Variants in VPS13B observed in about 807,000 individuals in gnomAD.
VPS13B encodes intermembrane lipid transfer protein VPS13B.
In VPS13B, 285 loss-of-function variants were observed where a neutral mutation model predicts 426.4. The observed-to-expected ratio is 0.67, with a 90% CI of 0.61 to 0.74. The LOEUF is 0.74. Among genes scored for constraint, VPS13B ranks in the 30% least tolerant of loss-of-function variants. The probability of loss-of-function intolerance (pLI) is 0.00; values close to 1 mark genes in which losing one functional copy is unlikely to be tolerated. For missense variants in VPS13B, 4,537 were observed against 4,782.6 expected, an observed-to-expected ratio of 0.95 and a Z score of 1.51; for synonymous variants, 1,676 against 1,676.4, an observed-to-expected ratio of 1.00 and a Z score of 0.01.
intron 17 of VPS13B, among the ~76,000 whole-genome samples, chr8:99,220,500 G>T (rs1043888169): frequency 6.6e-6 from 1 of 152,158 alleles, no homozygotes; most frequent in Non-Finnish European, 1.5e-5. Flanking sequence ...ATTTGTCAGA[G>T]TTGTTGTTAA....
intron 4 of VPS13B, among the ~76,000 whole-genome samples, chr8:99,101,447 A>G (rs1294475201): frequency 3.3e-5 from 5 of 152,120 alleles, no homozygotes; most frequent in African/African-American, 1.2e-4. Context: ...TTTGTTTTTA[A>G]AATCTGCATT....
At position 99,107,200 on chromosome 8, in the gene VPS13B, G is replaced by A. The variant is rs1481971885; in HGVS notation, c.581-3898G>A. ...TTAAAATAAGAATTGTAATATCTTTGTGAGGGTAAAAAGGCAAGCCACAGA... is the reference window on the plus strand; with the variant it reads ...TTAAAATAAGAATTGTAATATCTTTATGAGGGTAAAAAGGCAAGCCACAGA... On this transcript the variant is annotated intron_variant, in intron 5 of 61. Coordinates refer to ENST00000357162, the MANE Select transcript of VPS13B (RefSeq NM_152564.5). 2.0e-5 allele frequency among the ~76,000 whole-genome samples: 3 copies of A among 152,120 alleles called. No homozygotes were observed. In the South Asian group the frequency reaches 6.2e-4, roughly 31 times the overall value.
chr8:99,590,476 G>C (rs1320225847), intron 33 of VPS13B, among the ~76,000 whole-genome samples: 3 of 152,140 alleles, frequency 2.0e-5, no homozygotes, highest in Non-Finnish European at 2.9e-5. Context: ...GGCATTTAGT[G>C]CTATAAATTT....
chr8:99,726,730 A>G (rs1465997805), intron 39 of VPS13B, among the ~76,000 whole-genome samples: 2 of 152,252 alleles, frequency 1.3e-5, no homozygotes, highest in Middle Eastern at 3.4e-3. Flanking sequence ...TAATTTTTGT[A>G]TTTTTAGTAG....
chr8:99,453,960 T>G (rs541463058), intron 23 of VPS13B, among the ~76,000 whole-genome samples: 1 of 152,296 alleles, frequency 6.6e-6, no homozygotes, highest in Admixed American at 6.5e-5. Flanking sequence ...GACATGTATC[T>G]GTCATCGTAG....
In VPS13B at chr8:99,854,021, CA is replaced by C. The variant is rs781151765; in HGVS notation, c.10633del (p.Met3545CysfsTer11). 1.2e-6 allele frequency: 2 copies of C among 1,614,188 alleles called. No individual in the cohort carries two copies. Among genetic ancestry groups the C allele is most frequent in the Non-Finnish European group, 1.7e-6 (2 of 1,180,040 alleles). ...HLSGGKQVLP[M>X]QVTQHARALV... ...TCTCCGGGGGTAAACAGGTGTTGCC[CA>C]TGCAGGTCACACAGCACGCCAGGGC... On this transcript the variant is annotated frameshift_variant, in exon 56 of 62. Coordinates refer to ENST00000357162, the MANE Select transcript of VPS13B (RefSeq NM_152564.5). LOFTEE classifies it high-confidence loss of function.
At position 99,481,862 on chromosome 8, in the gene VPS13B, G is replaced by C. The variant is rs1398109695; in HGVS notation, c.3870+60G>C. ...GGTTAATATATAACACAGATTTCCA[G>C]ATCATGGTTTAAAATGAAGATAACC... On this transcript the variant is annotated intron_variant, in intron 25 of 61. Transcript: ENST00000357162. 7.0e-6 allele frequency: 11 copies of C among 1,573,152 alleles called. No individual in the cohort carries two copies. The African/African-American group carries it at 8.1e-5, about 12-fold the overall frequency.
intron 33 of VPS13B, among the ~76,000 whole-genome samples, chr8:99,603,226 G>A (rs1387605208): frequency 2.0e-5 from 3 of 152,176 alleles, no homozygotes; most frequent in Non-Finnish European, 4.4e-5. Context: ...ATAACCGAAA[G>A]TAAGAGGGAA....
chr8:99,352,807 A>G (rs920217805), intron 19 of VPS13B, among the ~76,000 whole-genome samples: 1 of 151,784 alleles, frequency 6.6e-6, no homozygotes, highest in Non-Finnish European at 1.5e-5. Context: ...CTGGGCAACA[A>G]GAGCAGAACT....
chr8:99,261,525 T>C (rs1818036408), intron 17 of VPS13B, among the ~76,000 whole-genome samples: 1 of 152,184 alleles, frequency 6.6e-6, no homozygotes, highest in African/African-American at 2.4e-5. Flanking sequence ...CTGCTATAAA[T>C]ATCTGTTTGC....
chr8:99,338,987 C>T (rs1033774546), intron 19 of VPS13B, among the ~76,000 whole-genome samples: 2 of 152,098 alleles, frequency 1.3e-5, no homozygotes, highest in African/African-American at 4.8e-5. Flanking sequence ...TTAATTTCCT[C>T]ATGATGATCT....
At chr8:99,502,362 T>C (rs1049319379) in intron 26 of VPS13B, among the ~76,000 whole-genome samples, 2 of 152,216 alleles carry the variant, frequency 1.3e-5, no homozygotes, top group Non-Finnish European at 2.9e-5. Flanking sequence ...AATTTATTAT[T>C]GTCATTTATA....
chr8:99,232,048 G>A (rs554189239), intron 17 of VPS13B, among the ~76,000 whole-genome samples: 4 of 152,096 alleles, frequency 2.6e-5, no homozygotes, highest in Non-Finnish European at 4.4e-5. Context: ...TGAGGCTGAC[G>A]TGTGTGTTTT....
chr8:99,409,942 T>C (rs1360728732), intron 21 of VPS13B, among the ~76,000 whole-genome samples: 1 of 152,108 alleles, frequency 6.6e-6, no homozygotes, highest in Non-Finnish European at 1.5e-5. Flanking sequence ...CCAAATACTA[T>C]ATATTCTCAC....
intron 19 of VPS13B, among the ~76,000 whole-genome samples, chr8:99,350,359 A>G (rs1811811482): frequency 1.3e-5 from 2 of 152,370 alleles, no homozygotes; most frequent in East Asian, 3.9e-4. Context: ...TAACAGGATC[A>G]GAATGTGTTT....
At chr8:99,299,551 GTTTT>G (rs372887332) in intron 19 of VPS13B, among the ~76,000 whole-genome samples, 1 of 151,372 alleles carries the variant, frequency 6.6e-6, no homozygotes, top group Non-Finnish European at 1.5e-5. Flanking sequence ...TTATATTTTA[GTTTT>G]TTTATTGTTG....
intron 3 of VPS13B, among the ~76,000 whole-genome samples, chr8:99,064,154 C>G (rs539072499): frequency 6.6e-6 from 1 of 152,248 alleles, no homozygotes; most frequent in East Asian, 1.9e-4. Flanking sequence ...TGGGGAGAAA[C>G]CAGAGCAGAA....
At chr8:99,682,836 T>C (rs775691975) in intron 35 of VPS13B, among the ~76,000 whole-genome samples, 15 of 152,056 alleles carry the variant, frequency 9.9e-5, no homozygotes, top group Non-Finnish European at 2.9e-5. Context: ...ATTTCTCCAG[T>C]CCCAGGTACG....
intron 4 of VPS13B, among the ~76,000 whole-genome samples, chr8:99,097,981 G>C (rs1033480347): frequency 6.6e-6 from 1 of 152,164 alleles, no homozygotes; most frequent in East Asian, 1.9e-4. Flanking sequence ...AGTATCTACA[G>C]ATATTAACAA....
Sources: gnomAD v4.1 joint callset for allele counts (sites outside exome capture counted in the v4.1 genomes callset) on GRCh38, gnomAD v4.1.1 for gene constraint, MANE v1.5 for transcripts, NCBI Gene and HGNC (gene_info 2026-07-23, HGNC 2026-07-21) for gene names.